RPS29: variants seen among roughly 807,000 people sequenced by gnomAD.
RPS29 encodes the protein ribosomal protein S29, also known as small ribosomal subunit protein uS14.
For missense variants in RPS29, 60 were observed against 75.7 expected (o/e 0.79, Z 0.77); for synonymous variants, 37 against 26.9 (o/e 1.37, Z -1.16).
chr14:49,589,543 AATC>A (rs1881669066), upstream of RPS29, among the ~76,000 whole-genome samples: 1 of 152,194 alleles, frequency 6.6e-6, no homozygotes, highest in South Asian at 2.1e-4. Flanking sequence ...TCCAGAATTT[AATC>A]ATTTAAAAAC....
upstream of RPS29, among the ~76,000 whole-genome samples, chr14:49,588,526 G>GT (rs963021863): frequency 3.1e-4 from 42 of 135,912 alleles, no homozygotes; most frequent in African/African-American, 4.9e-4. Flanking sequence ...GTTTTGTTTT[G>GT]TTTTTTTTCC....
At chr14:49,580,221 C>G (rs1881296826), downstream of RPS29, among the ~76,000 whole-genome samples, 1 of 152,320 alleles carries the variant, frequency 6.6e-6, no homozygotes, top group South Asian at 2.1e-4. Context: ...ACCTAACTCA[C>G]CACTACATAT....
At position 49,583,638 on chromosome 14, in the gene RPS29, C is replaced by G. The variant is rs745987913; in HGVS notation, c.*29G>C. The G allele has an allele frequency of 6.3e-7, 1 of 1,581,652 alleles. No individual in the cohort carries two copies. Among genetic ancestry groups the G allele is most frequent in the Admixed American group, 1.9e-5 (1 of 52,974 alleles). ...ATCATGGTTTTTCATTGAGTAGATG[C>G]CCCGGATAATCCTCTGAAGGAAGAG... On this transcript the variant is annotated 3_prime_UTR_variant, in exon 3 of 3. Transcript: ENST00000245458.
At chr14:49,586,790 T>C (rs1881587874), upstream of RPS29, 1 of 224,720 alleles carries the variant, frequency 4.4e-6, no homozygotes, top group African/African-American at 2.2e-5. Context: ...ACGGAGCAGG[T>C]CAAAACTCCC....
At chr14:49,587,428 G>C (rs1164673084), upstream of RPS29, among the ~76,000 whole-genome samples, 2 of 152,178 alleles carry the variant, frequency 1.3e-5, no homozygotes, top group Non-Finnish European at 2.9e-5. Flanking sequence ...GCTTTAACTA[G>C]ATTTATAAAA....
At chr14:49,573,107 A>AGAGG (rs2139498234) in exon 3 of RPS29, 1 of 145,998 alleles carries the variant, frequency 6.8e-6, no homozygotes, top group African/African-American at 2.5e-5. Context: ...AAAGAAGGAA[A>AGAGG]GAAAGAAAGA....
At chr14:49,582,267 A>C (rs1179366155), downstream of RPS29, among the ~76,000 whole-genome samples, 1 of 152,146 alleles carries the variant, frequency 6.6e-6, no homozygotes. Flanking sequence ...CACCTCTACA[A>C]AAGTAAGTTT....
chr14:49,574,940 G>A (rs978246887), exon 3 of RPS29: 2 of 152,296 alleles, frequency 1.3e-5, no homozygotes, highest in East Asian at 1.9e-4. Flanking sequence ...TTAGAACAGG[G>A]TCCATTTGAG....
intron 1 of RPS29, among the ~76,000 whole-genome samples, chr14:49,597,026 T>TTGAA (rs1881843624): frequency 6.6e-6 from 1 of 150,884 alleles, no homozygotes; most frequent in Non-Finnish European, 1.5e-5. Context: ...GCGATTCTCC[T>TTGAA]GCCTCAGCTT....
rs144035598 is a variant in RPS29 at position 49,592,908 on chromosome 14, C to CA, written c.-133+5491dup. 3.5e-3 allele frequency among the ~76,000 whole-genome samples: 514 copies of CA among 146,372 alleles called. 3 individuals are homozygous for CA. Among genetic ancestry groups the CA allele is most frequent in the African/African-American group, 0.011 (455 of 39,584 alleles). ...GGGCAGCAAGAGCGAAACCGCATCT[C>CA]AAAAAAAAAAAAATTAAAATTAACT... On this transcript the variant is annotated intron_variant, in intron 1 of 3. Coordinates refer to the RPS29 transcript ENST00000556230.
downstream of RPS29, among the ~76,000 whole-genome samples, chr14:49,582,200 C>T (rs1241151624): frequency 2.0e-5 from 3 of 152,194 alleles, no homozygotes; most frequent in African/African-American, 7.2e-5. Flanking sequence ...TGGGAGGCTG[C>T]AGGAGAATCA....
At chr14:49,571,053 A>C (rs568259220) in exon 3 of RPS29, 5 of 152,314 alleles carry the variant, frequency 3.3e-5, no homozygotes, top group African/African-American at 1.2e-4. Flanking sequence ...GAATAAAAGG[A>C]AACATCTTGA....
chr14:49,582,012 C>CAAAAAAAAAAA (rs58507206), downstream of RPS29, among the ~76,000 whole-genome samples: 15 of 106,504 alleles, frequency 1.4e-4, no homozygotes, highest in African/African-American at 5.0e-4. Flanking sequence ...CCCTGCCCCC[C>CAAAAAAAAAAA]AAAAAAAAAA....
At chr14:49,598,555 G>A (rs1881892567) in exon 1 of RPS29, 1 of 702,224 alleles carries the variant, frequency 1.4e-6, no homozygotes, top group Non-Finnish European at 2.6e-6. Context: ...TGGCTTACGG[G>A]GCCACTCAGA....
At chr14:49,589,020 T>G (rs1368305065), upstream of RPS29, among the ~76,000 whole-genome samples, 2 of 151,402 alleles carry the variant, frequency 1.3e-5, no homozygotes, top group East Asian at 3.9e-4. Flanking sequence ...GCCTCCCGAG[T>G]AGCTGGGACT....
downstream of RPS29, among the ~76,000 whole-genome samples, chr14:49,582,407 C>CA (rs1302169697): frequency 6.6e-6 from 1 of 152,252 alleles, no homozygotes; most frequent in Non-Finnish European, 1.5e-5. Context: ...CTCTTCCCCA[C>CA]AGAATCTATG....
intron 2 of RPS29, 62 bp downstream of exon 2, chr14:49,585,888 A>T: frequency 7.6e-7 from 1 of 1,307,840 alleles, no homozygotes; most frequent in South Asian, 1.2e-5. Flanking sequence ...TCTTTCGCGG[A>T]AAAAATAACC....
chr14:49,576,373 G>T (rs962071790), exon 3 of RPS29: 2 of 152,032 alleles, frequency 1.3e-5, no homozygotes, highest in African/African-American at 4.8e-5. Flanking sequence ...AAAAGGCTAG[G>T]ATTACAGGCA....
exon 1 of RPS29, chr14:49,598,655 C>G (rs542050485): frequency 4.3e-6 from 3 of 700,710 alleles, no homozygotes; most frequent in Non-Finnish European, 7.8e-6. Context: ...ACGCGTAAAG[C>G]GTCAACAGCT....
Sources: gnomAD v4.1 joint callset for allele counts (sites outside exome capture counted in the v4.1 genomes callset) on GRCh38, gnomAD v4.1.1 for gene constraint, MANE v1.5 for transcripts, NCBI Gene and HGNC (gene_info 2026-07-23, HGNC 2026-07-21) for gene names.